Variants in FTO observed in about 807,000 individuals in gnomAD.
FTO encodes alpha-ketoglutarate-dependent dioxygenase FTO.
Under a neutral mutation model 63.9 loss-of-function variants are expected in FTO, and 47 were observed. The observed-to-expected ratio is 0.74, with a 90% CI of 0.58 to 0.94. The LOEUF (loss-of-function observed/expected upper bound fraction) is 0.94. Among genes scored for constraint, FTO ranks in the 40% least tolerant of loss-of-function variants. FTO has a pLI of 0.00. For synonymous variants in FTO, 207 were observed against 224.4 expected (o/e 0.92, Z 0.69); for missense variants, 562 against 618.1 (o/e 0.91, Z 0.96).
At chr16:53,958,370 C>A (rs1275685217) in intron 8 of FTO, among the ~76,000 whole-genome samples, 2 of 152,186 alleles carry the variant, frequency 1.3e-5, no homozygotes, top group Non-Finnish European at 2.9e-5. Context: ...GTTGCCTCCT[C>A]CAGCGTGGAA....
At chr16:53,788,974 G>A (rs536577928) in intron 1 of FTO, among the ~76,000 whole-genome samples, 1 of 152,286 alleles carries the variant, frequency 6.6e-6, no homozygotes, top group East Asian at 1.9e-4. Flanking sequence ...ATTGCAAAGT[G>A]ATGAAAGCTT....
chr16:53,999,581 C>A (rs1374240775), intron 8 of FTO: 3 of 152,196 alleles, frequency 2.0e-5, no homozygotes, highest in Non-Finnish European at 4.4e-5. Flanking sequence ...TGTGGTACTG[C>A]ACATTTTTTG....
chr16:53,812,626 G>A (rs938391216), intron 2 of FTO, among the ~76,000 whole-genome samples: 1 of 152,128 alleles, frequency 6.6e-6, no homozygotes, highest in African/African-American at 2.4e-5. Context: ...TTCAATGCAT[G>A]CACCCAATAG....
chr16:54,082,940 T>C lies in FTO; in HGVS notation c.1365-28822T>C, dbSNP rs376084229. On this transcript the variant is annotated intron_variant, in intron 8 of 8. Coordinates refer to ENST00000471389, the MANE Select transcript of FTO (RefSeq NM_001080432.3). ...TAGAAAACAGGACATGTCACAGATA[T>C]ATATTTTCTTAATTGTAAAAAGTAA... Among the ~76,000 whole-genome samples the C allele has an allele frequency of 2.0e-5, 3 of 152,208 alleles. No individual in the cohort carries two copies. In the East Asian group the frequency reaches 5.8e-4, roughly 29 times the overall value.
intron 1 of FTO, among the ~76,000 whole-genome samples, chr16:53,784,586 G>A (rs1363187885): frequency 3.3e-5 from 5 of 152,132 alleles, no homozygotes; most frequent in Admixed American, 2.6e-4. Flanking sequence ...GGGACTTGGG[G>A]CATCCTACCA....
chr16:53,773,849 T>C (rs1185347690), intron 1 of FTO, among the ~76,000 whole-genome samples: 2 of 152,100 alleles, frequency 1.3e-5, no homozygotes, highest in African/African-American at 4.8e-5. Flanking sequence ...GAAAAATAAA[T>C]GAATAGCTGC....
chr16:53,889,919 T>A (rs2081105869), intron 7 of FTO, among the ~76,000 whole-genome samples: 1 of 152,194 alleles, frequency 6.6e-6, no homozygotes, highest in African/African-American at 2.4e-5. Context: ...CTTCTTTAAC[T>A]TTTATGACAA....
chr16:54,090,572 A>G (rs892013946), intron 8 of FTO, among the ~76,000 whole-genome samples: 29 of 152,256 alleles, frequency 1.9e-4, no homozygotes, highest in Non-Finnish European at 5.9e-5. Flanking sequence ...AAAAAAGTTA[A>G]TGGAACCATA....
chr16:53,980,860 C>T (rs2143812252), intron 8 of FTO, among the ~76,000 whole-genome samples: 1 of 152,268 alleles, frequency 6.6e-6, no homozygotes, highest in Non-Finnish European at 1.5e-5. Flanking sequence ...ATAACTGAGA[C>T]AGGATTAGAT....
chr16:53,830,832 G>A lies in FTO; in HGVS notation c.751+4341G>A, dbSNP rs559581201. On this transcript the variant is annotated intron_variant, in intron 3 of 8. Transcript: ENST00000471389. ...AATTGCTTGAACCTGGGAGGCAGAG[G>A]TTGCAGTGAGCTGAGATTGCGCCAC... 1.6e-4 allele frequency among the ~76,000 whole-genome samples: 23 copies of A among 148,350 alleles called. No individual in the cohort carries two copies. In the East Asian group the frequency reaches 4.1e-3, roughly 26 times the overall value.
chr16:54,069,411 T>G (rs1459224379), intron 8 of FTO, among the ~76,000 whole-genome samples: 1 of 152,122 alleles, frequency 6.6e-6, no homozygotes, highest in Non-Finnish European at 1.5e-5. Flanking sequence ...AGGAAGGACA[T>G]GATGCAGAGT....
intron 8 of FTO, among the ~76,000 whole-genome samples, chr16:54,074,843 T>G (rs1205925650): frequency 6.6e-6 from 1 of 151,364 alleles, no homozygotes; most frequent in African/African-American, 2.4e-5. Flanking sequence ...GCTCCCCAAG[T>G]AGCCAGTGAG....
chr16:53,910,314 T>C (rs1222599968), intron 7 of FTO, among the ~76,000 whole-genome samples: 2 of 152,162 alleles, frequency 1.3e-5, no homozygotes, highest in East Asian at 3.9e-4. Flanking sequence ...TTGGCCTTTG[T>C]TCTGGAGACA....
intron 8 of FTO, among the ~76,000 whole-genome samples, chr16:53,945,094 TTATG>T (rs1410252090): frequency 3.3e-5 from 5 of 152,116 alleles, no homozygotes; most frequent in African/African-American, 9.7e-5. Context: ...CTTAGCAACT[TTATG>T]TAAGAAAGAA....
At chr16:54,020,226 C>T (rs990416242) in intron 8 of FTO, among the ~76,000 whole-genome samples, 4 of 152,082 alleles carry the variant, frequency 2.6e-5, no homozygotes, top group Admixed American at 2.0e-4. Context: ...TTATAGAGTA[C>T]AGATATTGTC....
At chr16:53,872,965 C>T (rs1389322243) in intron 4 of FTO, among the ~76,000 whole-genome samples, 1 of 152,156 alleles carries the variant, frequency 6.6e-6, no homozygotes, top group Non-Finnish European at 1.5e-5. Flanking sequence ...TGGTTTTTCT[C>T]CCACTGCTTG....
At chr16:53,963,948 T>C (rs2083141955) in intron 8 of FTO, among the ~76,000 whole-genome samples, 1 of 152,198 alleles carries the variant, frequency 6.6e-6, no homozygotes, top group Non-Finnish European at 1.5e-5. Context: ...AGACAGGGTT[T>C]CACCATGTTG....
intron 4 of FTO, among the ~76,000 whole-genome samples, chr16:53,856,793 A>G (rs923167878): frequency 9.9e-5 from 15 of 152,062 alleles, no homozygotes; most frequent in African/African-American, 2.7e-4. Flanking sequence ...CTCAAGGTAC[A>G]TAAGATACAT....
At chr16:53,726,783 T>C (rs943366991) in intron 1 of FTO, among the ~76,000 whole-genome samples, 4 of 152,216 alleles carry the variant, frequency 2.6e-5, no homozygotes, top group Non-Finnish European at 4.4e-5. Context: ...GCTGGCTTCT[T>C]GGAGCTTAAC....
Sources: allele counts gnomAD v4.1 joint callset (sites outside exome capture counted in the v4.1 genomes callset), GRCh38; gene constraint gnomAD v4.1.1; transcripts MANE v1.5; gene names NCBI Gene and HGNC (gene_info 2026-07-23, HGNC 2026-07-21).